PDE1A: variants seen among roughly 807,000 people sequenced by gnomAD.
The protein encoded by PDE1A is phosphodiesterase 1A.
A neutral mutation model predicts 61.7 loss-of-function variants in PDE1A; 35 were observed. That is an observed-to-expected ratio of 0.57 (90% CI 0.43 to 0.75). PDE1A has a LOEUF of 0.75. Ranked by LOEUF, PDE1A falls within the 30% of genes least tolerant of loss-of-function variation. The pLI is 0.00. For missense variants in PDE1A, 597 were observed against 630.6 expected, an observed-to-expected ratio of 0.95 and a Z score of 0.57; for synonymous variants, 232 against 213.2, an observed-to-expected ratio of 1.09 and a Z score of -0.77.
At chr2:182,378,521 G>T (rs1001048085) in intron 1 of PDE1A, among the ~76,000 whole-genome samples, 1 of 152,134 alleles carries the variant, frequency 6.6e-6, no homozygotes, top group African/African-American at 2.4e-5. Flanking sequence ...TTGCCACCAA[G>T]TGATTTCTAG....
intron 2 of PDE1A, among the ~76,000 whole-genome samples, chr2:182,446,939 A>AATAT (rs142029307): frequency 2.0e-5 from 3 of 149,392 alleles, no homozygotes; most frequent in South Asian, 2.1e-4. Context: ...TAAGTGAGAT[A>AATAT]ATATATATAT....
At chr2:182,520,485 T>C (rs1290559996) in intron 2 of PDE1A, among the ~76,000 whole-genome samples, 1 of 151,948 alleles carries the variant, frequency 6.6e-6, no homozygotes, top group Non-Finnish European at 1.5e-5. Context: ...TTTTCATATA[T>C]CCTTCTATCA....
At chr2:182,227,954 C>T (rs1468024288) in intron 6 of PDE1A, among the ~76,000 whole-genome samples, 1 of 152,150 alleles carries the variant, frequency 6.6e-6, no homozygotes, top group Non-Finnish European at 1.5e-5. Flanking sequence ...ACTAGATTTA[C>T]AGTCATCTCT....
At chr2:182,566,512 A>C in the PDE1A span, among the ~76,000 whole-genome samples, 1 of 151,118 alleles carries the variant, frequency 6.6e-6, no homozygotes, top group Non-Finnish European at 1.5e-5. Context: ...AAATTATATA[A>C]TATATATTTA....
the PDE1A span, among the ~76,000 whole-genome samples, chr2:182,624,104 G>T: frequency 7.4e-6 from 1 of 135,666 alleles, no homozygotes; most frequent in Non-Finnish European, 1.5e-5. Context: ...CAGCCTGGGG[G>T]ACAGAGCGAG....
chr2:182,329,305 C>G (rs527666577), intron 1 of PDE1A, among the ~76,000 whole-genome samples: 3 of 152,260 alleles, frequency 2.0e-5, no homozygotes, highest in East Asian at 1.9e-4. Flanking sequence ...ACTCACTGTT[C>G]TTCATCAGAA....
At chr2:182,369,550 G>A (rs968507397) in intron 1 of PDE1A, among the ~76,000 whole-genome samples, 2 of 152,020 alleles carry the variant, frequency 1.3e-5, no homozygotes, top group Non-Finnish European at 2.9e-5. Flanking sequence ...TGAATTTCAG[G>A]TCTCTGGGGT....
At chr2:182,698,901 T>C in the PDE1A span, among the ~76,000 whole-genome samples, 2 of 152,154 alleles carry the variant, frequency 1.3e-5, no homozygotes, top group Admixed American at 1.3e-4. Context: ...CTAAATGCAC[T>C]CGTGTGGGAG....
chr2:182,579,160 C>G, the PDE1A span, among the ~76,000 whole-genome samples: 1 of 152,174 alleles, frequency 6.6e-6, no homozygotes, highest in East Asian at 1.9e-4. Flanking sequence ...CTTAATGTAT[C>G]TCAAAATAAA....
intron 7 of PDE1A, among the ~76,000 whole-genome samples, chr2:182,210,462 T>C (rs991282163): frequency 6.6e-6 from 1 of 152,232 alleles, no homozygotes; most frequent in Non-Finnish European, 1.5e-5. Flanking sequence ...CTAGCTGGAG[T>C]GACTGGTAAA....
At chr2:182,332,657 GAGTAT>G (rs1697497520) in intron 1 of PDE1A, among the ~76,000 whole-genome samples, 1 of 152,114 alleles carries the variant, frequency 6.6e-6, no homozygotes, top group Admixed American at 6.5e-5. Context: ...CTGTTTGCCT[GAGTAT>G]CACCAGCAGA....
intron 1 of PDE1A, among the ~76,000 whole-genome samples, chr2:182,346,650 C>A (rs992025556): frequency 6.6e-6 from 1 of 152,164 alleles, no homozygotes; most frequent in African/African-American, 2.4e-5. Flanking sequence ...CAGTTCCTCT[C>A]CCTGGAGGGA....
chr2:182,365,680 T>C (rs1699797346), intron 1 of PDE1A, among the ~76,000 whole-genome samples: 1 of 152,008 alleles, frequency 6.6e-6, no homozygotes, highest in Non-Finnish European at 1.5e-5. Context: ...AATGATAGAA[T>C]TAATATTGTT....
intron 2 of PDE1A, among the ~76,000 whole-genome samples, chr2:182,258,645 C>G (rs1692001155): frequency 6.6e-6 from 1 of 152,092 alleles, no homozygotes; most frequent in South Asian, 2.1e-4. Context: ...ACCTTTAGTC[C>G]TCTTGTTAGA....
At chr2:182,168,268 C>A (rs752647044) in exon 14 of PDE1A, 1 of 1,593,224 alleles carries the variant, frequency 6.3e-7, no homozygotes, top group African/African-American at 1.4e-5. Context: ...TAAACTCACA[C>A]TTCTGTGAAC....
At chr2:182,657,384 A>T in the PDE1A span, among the ~76,000 whole-genome samples, 5 of 152,248 alleles carry the variant, frequency 3.3e-5, no homozygotes, top group East Asian at 9.6e-4. Context: ...TAACACTATT[A>T]CAAATATAAA....
the PDE1A span, among the ~76,000 whole-genome samples, chr2:182,532,792 C>CA: frequency 1.3e-5 from 2 of 150,360 alleles, no homozygotes; most frequent in Non-Finnish European, 3.0e-5. Context: ...ACCAAAAATA[C>CA]AAAAAATTAT....
intron 1 of PDE1A, among the ~76,000 whole-genome samples, chr2:182,302,082 G>C (rs1695279628): frequency 6.6e-6 from 1 of 152,198 alleles, no homozygotes; most frequent in African/African-American, 2.4e-5. Flanking sequence ...ATGGGGTGAA[G>C]TTAATGGAGG....
At chr2:182,201,888 AATGGAT>A in intron 8 of PDE1A, 99 bp from the exon 9 acceptor site, 1 of 733,162 alleles carries the variant, frequency 1.4e-6, no homozygotes, top group East Asian at 2.5e-5. Flanking sequence ...TATAGTTCTT[AATGGAT>A]ATGAACACAA....
Sources: allele counts gnomAD v4.1 joint callset (sites outside exome capture counted in the v4.1 genomes callset), GRCh38; gene constraint gnomAD v4.1.1; transcripts MANE v1.5; gene names NCBI Gene and HGNC (gene_info 2026-07-23, HGNC 2026-07-21).